The following DOCK1 variants were observed in gnomAD, a reference collection of about 807,000 sequenced individuals.
DOCK1 encodes dedicator of cytokinesis 1.
DOCK1 carries 138 observed loss-of-function variants against 262.7 expected under a neutral mutation model. The observed-to-expected ratio is 0.53, with a 90% confidence interval of 0.46 to 0.61. DOCK1 has a LOEUF of 0.61. Ranked by LOEUF, DOCK1 falls within the 20% of genes least tolerant of loss-of-function variation. The probability of loss-of-function intolerance (pLI) is 0.00; values close to 1 mark genes in which losing one functional copy is unlikely to be tolerated. For missense variants in DOCK1, 1,908 were observed against 2,370.7 expected (o/e 0.80, Z 4.05); for synonymous variants, 866 against 867.4 (o/e 1.00, Z 0.03).
intron 29 of DOCK1, among the ~76,000 whole-genome samples, chr10:127,300,591 C>T (rs1472340238): frequency 6.6e-6 from 1 of 152,216 alleles, no homozygotes; most frequent in Non-Finnish European, 1.5e-5. Flanking sequence ...ACCAGTCATG[C>T]TAGTATCAAA....
intron 27 of DOCK1, among the ~76,000 whole-genome samples, chr10:127,168,331 A>G (rs2054264295): frequency 6.6e-6 from 1 of 152,260 alleles, no homozygotes; most frequent in Non-Finnish European, 1.5e-5. Context: ...TAGAAAATGA[A>G]GTGCTGACAT....
intron 1 of DOCK1, among the ~76,000 whole-genome samples, chr10:126,941,419 T>G (rs954617456): frequency 1.4e-4 from 22 of 152,172 alleles, no homozygotes; most frequent in Admixed American, 5.2e-4. Flanking sequence ...AACACAAAAG[T>G]AAAACCAATC....
rs376974427 is a variant in DOCK1 at position 127,439,251 on chromosome 10, G to A, written c.5259+26G>A. 6 of 1,589,572 alleles carry A rather than the reference G, an allele frequency of 3.8e-6. No individual in the cohort carries two copies. In the Admixed American group the frequency reaches 5.3e-5, roughly 14 times the overall value. On this transcript the variant is annotated intron_variant, in intron 49 of 51. Transcript: ENST00000623213. ...GTAACCCGACAGGGTATCTTTCCTC[G>A]CTCTGCGGTAGCTTCAGGGACCTAC...
At position 127,381,359 on chromosome 10, in the gene DOCK1, G is replaced by A; in HGVS notation, c.3798G>A (p.Lys1266=). The change falls in exon 37 of 52, where the codon AAG becomes AAA. Residue 1266 remains lysine (K), a synonymous_variant. Transcript: ENST00000623213. ...CTTACACCTTGCTTCTCCATGCAAA[G>A]CTTCTTAAGGTAATGTCAATTACCA... ...EAAYTLLLHA[K]LLKWSEDVCV... 1.9e-6 allele frequency: 3 copies of A among 1,611,040 alleles called. No individual in the cohort carries two copies. Among genetic ancestry groups the A allele is most frequent in the African/African-American group, 1.3e-5 (1 of 75,026 alleles).
rs1470195908 is a variant in DOCK1, at chr10:127,018,537, T to A, written c.1202-173T>A. 3.3e-6 allele frequency: 3 copies of A among 922,400 alleles called. No homozygotes were observed. The African/African-American group carries it at 5.0e-5, about 15-fold the overall frequency. 57.1% of individuals were successfully genotyped at this position (922,400 alleles called of 1,614,324 possible). A position where few individuals can be genotyped will look rare whatever the true frequency, so the allele number is the denominator to read the frequency against. On this transcript the variant is annotated intron_variant, in intron 12 of 51. Coordinates refer to ENST00000623213, the MANE Select transcript of DOCK1 (RefSeq NM_001290223.2). ...ATCCCAGCTCGTTGGATGCATGGAG[T>A]CCCCACGACAGGCACCTTTTGCCTT... is the stretch of plus-strand genomic sequence containing the variant.
intron 23 of DOCK1, among the ~76,000 whole-genome samples, chr10:127,086,494 G>C (rs1488292720): frequency 6.6e-6 from 1 of 152,048 alleles, no homozygotes; most frequent in Non-Finnish European, 1.5e-5. Flanking sequence ...TTTTCTTGCT[G>C]GCATGAACAT....
intron 31 of DOCK1, among the ~76,000 whole-genome samples, chr10:127,353,643 T>C (rs2063995213): frequency 6.6e-6 from 1 of 152,202 alleles, no homozygotes; most frequent in South Asian, 2.1e-4. Context: ...AGGCTCCAGT[T>C]CCTTTTCTTC....
In DOCK1 at chr10:126,995,179, G is replaced by A. The variant is rs916352419; in HGVS notation, c.474-1569G>A. On this transcript the variant is annotated intron_variant, in intron 6 of 51. Coordinates refer to ENST00000623213, the MANE Select transcript of DOCK1 (RefSeq NM_001290223.2). This position sits in a 1 kb window ranked among gnomAD's most constrained non-coding sequence, Gnocchi z 5.8. ...GACGGGATGACGGCCGGGAAGAGGC[G>A]CTCCTCACTTCCCAGACTGGGTGGC... Among the ~76,000 whole-genome samples the A allele has an allele frequency of 1.3e-5, 2 of 151,576 alleles. No homozygotes were observed. The highest frequency in any genetic ancestry group is 2.4e-5 in the African/African-American group (1 of 41,192).
Position 126,945,115 on chromosome 10 carries a change from G to A in DOCK1, c.47-25587G>A, listed in dbSNP as rs932808850. On this transcript the variant is annotated intron_variant, in intron 1 of 51. Coordinates refer to ENST00000623213, the MANE Select transcript of DOCK1 (RefSeq NM_001290223.2). ...GCCTCCCAAAGTGCTGGGATTACAG[G>A]TGTGAGCCACCGTGCCTGGCCAGAA... Among the ~76,000 whole-genome samples the A allele has an allele frequency of 6.6e-3, 1,008 of 152,262 alleles. 10 individuals are homozygous for A. Among genetic ancestry groups the A allele is most frequent in the African/African-American group, 0.022 (935 of 41,558 alleles).
chr10:126,910,493 T>C (rs2031608107), intron 1 of DOCK1, among the ~76,000 whole-genome samples: 1 of 152,252 alleles, frequency 6.6e-6, no homozygotes, highest in African/African-American at 2.4e-5. Flanking sequence ...TTCCCTTCTT[T>C]CTTTTCTTCC....
intron 29 of DOCK1, among the ~76,000 whole-genome samples, chr10:127,290,116 G>C (rs1342193523): frequency 6.6e-6 from 1 of 151,496 alleles, no homozygotes; most frequent in Non-Finnish European, 1.5e-5. Flanking sequence ...CTGTTTCCGT[G>C]GATGTGTTTC....
At chr10:127,049,327 C>T (rs1417836038) in intron 21 of DOCK1, among the ~76,000 whole-genome samples, 1 of 152,054 alleles carries the variant, frequency 6.6e-6, no homozygotes, top group Non-Finnish European at 1.5e-5. Flanking sequence ...TTGAGACCAG[C>T]CTGACCAACA....
intron 27 of DOCK1, among the ~76,000 whole-genome samples, chr10:127,240,186 T>C (rs1278245811): frequency 6.6e-6 from 1 of 151,890 alleles, no homozygotes; most frequent in African/African-American, 2.4e-5. Context: ...AAATTTAAGA[T>C]ACAGGTTTAA....
At chr10:127,409,701 A>G (rs185726070) in intron 42 of DOCK1, among the ~76,000 whole-genome samples, 123 of 152,236 alleles carry the variant, frequency 8.1e-4, no homozygotes, top group African/African-American at 2.8e-3. Context: ...TGTGGGGTAC[A>G]ATCCCCTAGG....
At chr10:127,266,480 AACACACACAC>A (rs68190118) in intron 29 of DOCK1, among the ~76,000 whole-genome samples, 3 of 149,172 alleles carry the variant, frequency 2.0e-5, no homozygotes, top group African/African-American at 2.5e-5. Context: ...TAAGTACCAA[AACACACACAC>A]ACACACACAC....
chr10:127,018,590 T>C, intron 12 of DOCK1, 120 bp from the exon 13 acceptor site: 1 of 1,511,984 alleles, frequency 6.6e-7, no homozygotes, highest in Non-Finnish European at 9.0e-7. Context: ...ATACCCACCT[T>C]TTCTCTCAAG....
At chr10:127,388,321 A>T (rs2066256285) in intron 38 of DOCK1, among the ~76,000 whole-genome samples, 1 of 152,216 alleles carries the variant, frequency 6.6e-6, no homozygotes, top group Middle Eastern at 3.2e-3. Context: ...TGGAAAAGCC[A>T]CTTCTGAATA....
rs537867363 is a variant in DOCK1 at position 127,035,685 on chromosome 10, C to G, written c.1913-2034C>G. ...AAGAGTGTGTCTGGGCAGGATGGAG[C>G]CTTTTCCATTACTTCACTTTCACTT... On this transcript the variant is annotated intron_variant, in intron 18 of 51. Coordinates refer to ENST00000623213, the MANE Select transcript of DOCK1 (RefSeq NM_001290223.2). 9.2e-5 allele frequency among the ~76,000 whole-genome samples: 14 copies of G among 152,196 alleles called. 1 individual carries two copies. The East Asian group carries it at 2.7e-3, about 29-fold the overall frequency.
chr10:127,307,721 T>G (rs1254818285), intron 29 of DOCK1, among the ~76,000 whole-genome samples: 1 of 152,216 alleles, frequency 6.6e-6, no homozygotes, highest in East Asian at 1.9e-4. Context: ...AACCCCACTC[T>G]GAGTTCAGCG....
Sources: allele counts gnomAD v4.1 joint callset (sites outside exome capture counted in the v4.1 genomes callset), GRCh38; gene constraint gnomAD v4.1.1; non-coding constraint Gnocchi (gnomAD v3.1); transcripts MANE v1.5; gene names NCBI Gene and HGNC (gene_info 2026-07-23, HGNC 2026-07-21).